Variants in KCNQ1 observed in about 807,000 individuals in gnomAD.
KCNQ1 encodes potassium voltage-gated channel subfamily Q member 1, also known as potassium voltage-gated channel subfamily KQT member 1.
Under a neutral mutation model 72.4 loss-of-function variants are expected in KCNQ1, and 49 were observed. That is an observed-to-expected ratio of 0.68 (90% CI 0.54 to 0.86). The LOEUF (loss-of-function observed/expected upper bound fraction) is 0.86, where lower values mean the gene tolerates loss of function less well. Ranked by LOEUF, KCNQ1 falls within the 40% of genes least tolerant of loss-of-function variation. KCNQ1 has a pLI of 0.00. For synonymous variants in KCNQ1, 450 were observed against 412.6 expected (o/e 1.09, Z -1.10); for missense variants, 790 against 945.1 (o/e 0.84, Z 2.15).
At chr11:2,835,107 C>T (rs1011951233) in intron 15 of KCNQ1, among the ~76,000 whole-genome samples, 1 of 152,152 alleles carries the variant, frequency 6.6e-6, no homozygotes, top group African/African-American at 2.4e-5. Flanking sequence ...GCTGCCCGCC[C>T]GTCTGGGTCA....
chr11:2,486,412 T>C lies in KCNQ1; in HGVS notation c.386+40928T>C, dbSNP rs774567090. On this transcript the variant is annotated intron_variant, in intron 1 of 15. Coordinates refer to ENST00000155840, the MANE Select transcript of KCNQ1 (RefSeq NM_000218.3). This position sits in a 1 kb window ranked among gnomAD's most constrained non-coding sequence, Gnocchi z 5.0. ...CTGGATATTAATCCCTTATCAGATA[T>C]AGGATTTGCAAATATTTTCTCTCAT... Among the ~76,000 whole-genome samples, 1 of 152,202 alleles carries C rather than the reference T, an allele frequency of 6.6e-6. No individual in the cohort carries two copies. Among genetic ancestry groups the C allele is most frequent in the South Asian group, 2.1e-4 (1 of 4,834 alleles).
chr11:2,452,594 G>A (rs898766556), intron 1 of KCNQ1, among the ~76,000 whole-genome samples: 4 of 152,212 alleles, frequency 2.6e-5, no homozygotes, highest in African/African-American at 7.2e-5. Flanking sequence ...CGCTTCAAGC[G>A]TTTGATCTTG....
chr11:2,706,479 C>T (rs148473405), intron 11 of KCNQ1, among the ~76,000 whole-genome samples: 11 of 152,364 alleles, frequency 7.2e-5, no homozygotes, highest in Admixed American at 5.2e-4. Flanking sequence ...GAGATCAGAA[C>T]CACCCAGCCA....
At chr11:2,637,235 G>T (rs1191511377) in intron 10 of KCNQ1, 1 of 152,080 alleles carries the variant, frequency 6.6e-6, no homozygotes, top group East Asian at 1.9e-4. Context: ...TTTTGAATGT[G>T]TTTGCTCTTG....
At chr11:2,842,460 CA>C (rs1480619295) in intron 15 of KCNQ1, among the ~76,000 whole-genome samples, 1 of 152,228 alleles carries the variant, frequency 6.6e-6, no homozygotes, top group Non-Finnish European at 1.5e-5. Flanking sequence ...TGATGGGTTG[CA>C]GGGGGTGCTC....
At chr11:2,529,755 C>T (rs1249630482) in intron 2 of KCNQ1, among the ~76,000 whole-genome samples, 1 of 152,102 alleles carries the variant, frequency 6.6e-6, no homozygotes, top group Non-Finnish European at 1.5e-5. Context: ...TCCAGGAGGG[C>T]AGATTGCTGC....
At chr11:2,542,524 G>C (rs1847844574) in intron 2 of KCNQ1, among the ~76,000 whole-genome samples, 1 of 152,248 alleles carries the variant, frequency 6.6e-6, no homozygotes, top group African/African-American at 2.4e-5. Context: ...ATCTGGACAT[G>C]GGTGTACGCC....
chr11:2,802,180 C>T (rs1847282068), intron 15 of KCNQ1, among the ~76,000 whole-genome samples: 1 of 152,232 alleles, frequency 6.6e-6, no homozygotes, highest in African/African-American at 2.4e-5. Context: ...ACAGGGTGCC[C>T]AGCTTCAGCC....
intron 2 of KCNQ1, among the ~76,000 whole-genome samples, chr11:2,530,575 G>A (rs1289834003): frequency 4.6e-5 from 7 of 152,340 alleles, no homozygotes; most frequent in South Asian, 2.1e-4. Context: ...ATGTGTACAC[G>A]CATGTGCGTG....
At chr11:2,700,243 G>C (rs1047609170) in intron 11 of KCNQ1, among the ~76,000 whole-genome samples, 93 of 152,140 alleles carry the variant, frequency 6.1e-4, no homozygotes, top group Non-Finnish European at 9.7e-4. Context: ...GAGGTGGCGC[G>C]AGCCGCCGCC....
In KCNQ1 at chr11:2,752,481, T is replaced by G. The variant is rs561811219; in HGVS notation, c.1515-16363T>G. Among the ~76,000 whole-genome samples the G allele has an allele frequency of 6.6e-6, 1 of 152,208 alleles. No homozygotes were observed. Among genetic ancestry groups the G allele is most frequent in the South Asian group, 2.1e-4 (1 of 4,804 alleles). On this transcript the variant is annotated intron_variant, in intron 11 of 15. Transcript: ENST00000155840. This position sits in a 1 kb window ranked among gnomAD's most constrained non-coding sequence, Gnocchi z 5.2. ...TAACCAAATACCTTAGACCTGGTGA[T>G]TCATACTTAGGAATTCATTGTTCTG...
At position 2,603,676 on chromosome 11, in the gene KCNQ1, G is replaced by A. The variant is rs1396181151; in HGVS notation, c.1393+14822G>A. 1.3e-5 allele frequency among the ~76,000 whole-genome samples: 2 copies of A among 152,100 alleles called. No homozygotes were observed. The highest frequency in any genetic ancestry group is 2.9e-5 in the Non-Finnish European group (2 of 68,024). On this transcript the variant is annotated intron_variant, in intron 10 of 15. Transcript: ENST00000155840. This position sits in a 1 kb window ranked among gnomAD's most constrained non-coding sequence, Gnocchi z 4.1. Reference sequence around the variant, plus strand: ...CTTTCACTTAGCATCATGTTTTCAAGGTTTGTGCTTCAGTGCTTCTTTTTT... The same window carrying A: ...CTTTCACTTAGCATCATGTTTTCAAAGTTTGTGCTTCAGTGCTTCTTTTTT...
rs545165137 is a variant in KCNQ1 at position 2,759,672 on chromosome 11, T to C, written c.1515-9172T>C. On this transcript the variant is annotated intron_variant, in intron 11 of 15. Coordinates refer to ENST00000155840, the MANE Select transcript of KCNQ1 (RefSeq NM_000218.3). This position sits in a 1 kb window ranked among gnomAD's most constrained non-coding sequence, Gnocchi z 4.4. ...GATAAATTCTTCCTTATTCCAGAGT[T>C]AGAGGATCCTCCAGAAGGGGCCGAG... Among the ~76,000 whole-genome samples the C allele has an allele frequency of 1.7e-3, 254 of 152,296 alleles. 1 individual carries two copies. In the Middle Eastern group the frequency reaches 0.024, roughly 14 times the overall value.
At chr11:2,646,640 C>T in intron 10 of KCNQ1, 1 of 398,724 alleles carries the variant, frequency 2.5e-6, no homozygotes, top group East Asian at 3.6e-5. Context: ...ATCCTCCCAT[C>T]TCAGCCTCCT....
chr11:2,657,229 A>C lies in KCNQ1; in HGVS notation c.1394-4732A>C, dbSNP rs767560027. 3.3e-5 allele frequency: 13 copies of C among 398,526 alleles called. No individual in the cohort carries two copies. Among genetic ancestry groups the C allele is most frequent in the African/African-American group, 6.2e-5 (3 of 48,634 alleles). The allele number at this position is 398,526 out of a possible 1,614,324, so 24.7% of individuals were successfully genotyped here. A position where few individuals can be genotyped will look rare whatever the true frequency, so the allele number is the denominator to read the frequency against. On this transcript the variant is annotated intron_variant, in intron 10 of 15. Coordinates refer to ENST00000155840, the MANE Select transcript of KCNQ1 (RefSeq NM_000218.3). The surrounding 1 kb of genome is among the most constrained non-coding windows in gnomAD (Gnocchi z 4.8). ...TTTTGCACTTCCAAGTCGCAGTTAG[A>C]ATCAGCTTGCCAAAGTTCTCACACA...
Position 2,477,532 on chromosome 11 carries a change from A to G in KCNQ1, c.386+32048A>G, listed in dbSNP as rs543057444. 2.6e-5 allele frequency among the ~76,000 whole-genome samples: 4 copies of G among 152,280 alleles called. No homozygotes were observed. In the South Asian group the frequency reaches 8.3e-4, roughly 32 times the overall value. ...CAGAGAGAAAAGAAAACTACAGACC[A>G]GTGATATGTACACAGAGAGCAATGA... On this transcript the variant is annotated intron_variant, in intron 1 of 15. Coordinates refer to ENST00000155840, the MANE Select transcript of KCNQ1 (RefSeq NM_000218.3). This position sits in a 1 kb window ranked among gnomAD's most constrained non-coding sequence, Gnocchi z 5.0.
In KCNQ1 at chr11:2,447,061, CTCAATT is replaced by C. The variant is rs1403634272; in HGVS notation, c.386+1578_386+1583del. 1.3e-5 allele frequency among the ~76,000 whole-genome samples: 2 copies of C among 152,232 alleles called. No homozygotes were observed. The highest frequency in any genetic ancestry group is 2.9e-5 in the Non-Finnish European group (2 of 68,046). On this transcript the variant is annotated intron_variant, in intron 1 of 15. Coordinates refer to ENST00000155840, the MANE Select transcript of KCNQ1 (RefSeq NM_000218.3). This position sits in a 1 kb window ranked among gnomAD's most constrained non-coding sequence, Gnocchi z 7.6. Reference sequence around the variant, plus strand: ...CCAAGGCAAAGTGCCCGCAGACCCCCTCAATTCTCACTTGTATTCAGGTTTGTGGAC... The same window carrying C: ...CCAAGGCAAAGTGCCCGCAGACCCCCCTCACTTGTATTCAGGTTTGTGGAC...
At chr11:2,527,825 CT>C (rs1847536353) in intron 1 of KCNQ1, 102 bp from the exon 2 acceptor site, 11 of 955,996 alleles carry the variant, frequency 1.2e-5, no homozygotes, top group Non-Finnish European at 1.9e-5. Context: ...CTGTCTGTTC[CT>C]ACCTGGGGGC....
chr11:2,523,760 T>TTTTTG (rs899179998), intron 1 of KCNQ1, among the ~76,000 whole-genome samples: 7 of 146,896 alleles, frequency 4.8e-5, no homozygotes, highest in East Asian at 2.2e-4. Context: ...AGTTTTTTTT[T>TTTTTG]TTTTTTTTTT....
Sources: gnomAD v4.1 joint callset for allele counts (sites outside exome capture counted in the v4.1 genomes callset) on GRCh38, gnomAD v4.1.1 for gene constraint, Gnocchi (gnomAD v3.1) non-coding constraint, MANE v1.5 for transcripts, NCBI Gene and HGNC (gene_info 2026-07-23, HGNC 2026-07-21) for gene names.